The following CCDC171 variants were observed in gnomAD, a reference collection of about 807,000 sequenced individuals.
CCDC171 encodes coiled-coil domain-containing protein 171.
CCDC171 carries 177 observed loss-of-function variants against 168.2 expected under a neutral mutation model. The observed-to-expected ratio is 1.05, with a 90% CI of 0.93 to 1.19. The LOEUF is 1.19. CCDC171 is among the 50% of genes most tolerant of loss of function. The pLI, the probability that CCDC171 is intolerant of heterozygous loss-of-function variation, is 0.00. For synonymous variants in CCDC171, 687 were observed against 540.8 expected, an observed-to-expected ratio of 1.27 and a Z score of -3.75; for missense variants, 1,991 against 1,539.0, an observed-to-expected ratio of 1.29 and a Z score of -4.91.
At chr9:15,714,571 C>T (rs971410633) in intron 11 of CCDC171, among the ~76,000 whole-genome samples, 2 of 119,540 alleles carry the variant, frequency 1.7e-5, no homozygotes, top group African/African-American at 6.4e-5. Flanking sequence ...CCAGTTATCC[C>T]TGATAAGTGT....
intron 25 of CCDC171, among the ~76,000 whole-genome samples, chr9:15,961,045 A>C (rs777114862): frequency 2.0e-5 from 3 of 152,228 alleles, no homozygotes; most frequent in Non-Finnish European, 4.4e-5. Context: ...TTGCAAAATG[A>C]GAATTTAATG....
At chr9:15,902,582 C>G (rs777886498) in intron 24 of CCDC171, among the ~76,000 whole-genome samples, 82 of 136,404 alleles carry the variant, frequency 6.0e-4, no homozygotes, top group Non-Finnish European at 1.1e-3. Flanking sequence ...AGGAACAGCT[C>G]CAGTCTACAG....
At chr9:16,066,545 T>C (rs914856946), downstream of CCDC171, among the ~76,000 whole-genome samples, 4 of 151,148 alleles carry the variant, frequency 2.6e-5, no homozygotes, top group African/African-American at 9.7e-5. Context: ...TGTGCCATGC[T>C]GGTGCGCTGC....
the CCDC171 span, among the ~76,000 whole-genome samples, chr9:16,103,589 G>A: frequency 6.6e-6 from 1 of 152,334 alleles, no homozygotes; most frequent in Admixed American, 6.5e-5. Flanking sequence ...CTTGGTAGCC[G>A]AGGCCAGGCA....
At chr9:15,814,142 A>G (rs1170315212) in intron 21 of CCDC171, among the ~76,000 whole-genome samples, 2 of 152,220 alleles carry the variant, frequency 1.3e-5, no homozygotes, top group African/African-American at 4.8e-5. Flanking sequence ...TTGGAAAACA[A>G]AGCATCTGAA....
At chr9:15,724,061 T>TA (rs1295826839) in intron 13 of CCDC171, among the ~76,000 whole-genome samples, 4 of 152,212 alleles carry the variant, frequency 2.6e-5, no homozygotes, top group African/African-American at 9.6e-5. Context: ...ACTAAACATA[T>TA]TTTACATAAG....
intron 7 of CCDC171, among the ~76,000 whole-genome samples, chr9:15,645,223 C>A (rs1445756396): frequency 6.6e-6 from 1 of 152,122 alleles, no homozygotes; most frequent in Non-Finnish European, 1.5e-5. Flanking sequence ...ACATTCACAC[C>A]AAAACCCCAT....
At chr9:15,767,767 C>T (rs576518883) in intron 18 of CCDC171, among the ~76,000 whole-genome samples, 2 of 142,418 alleles carry the variant, frequency 1.4e-5, no homozygotes, top group African/African-American at 2.6e-5. Flanking sequence ...GTCCTTGGGC[C>T]TTTCTGTTCA....
At chr9:15,998,648 G>C (rs1178635041) in intron 3 of CCDC171, among the ~76,000 whole-genome samples, 3 of 152,188 alleles carry the variant, frequency 2.0e-5, no homozygotes, top group Admixed American at 2.0e-4. Context: ...TTCAGAAGCG[G>C]TAGTAACTAG....
chr9:15,883,094 T>G, intron 24 of CCDC171: 1 of 405,252 alleles, frequency 2.5e-6, no homozygotes, highest in Non-Finnish European at 4.9e-6. Context: ...AGTGGTGTGA[T>G]CATAGCTCAC....
chr9:16,012,626 A>G lies in CCDC171; in HGVS notation n.369-7963A>G, dbSNP rs529650078. 4.0e-5 allele frequency among the ~76,000 whole-genome samples: 6 copies of G among 151,146 alleles called. No individual in the cohort carries two copies. The South Asian group carries it at 1.0e-3, about 26-fold the overall frequency. ...GCTGGTTGTTTTTTTTTATAATGGC[A>G]GCATGCTCTCCTTCCATGAATACAA... On this transcript the variant is annotated intron_variant and non_coding_transcript_variant, in intron 3 of 9. Coordinates refer to the CCDC171 transcript ENST00000486641.
rs186805284 is a variant in CCDC171 at position 15,598,271 on chromosome 9, C to T, written c.675+4099C>T. On this transcript the variant is annotated intron_variant, in intron 6 of 25. Transcript: ENST00000380701. ...GTCAATTTTAGATCTTTCCTGCTTT[C>T]TCTTGTGGGCATTTAGTGCTGTAAA... Among the ~76,000 whole-genome samples, 813 of 152,058 alleles carry T rather than the reference C, an allele frequency of 5.3e-3. 7 individuals are homozygous for T. Among genetic ancestry groups the T allele is most frequent in the Non-Finnish European group, 7.9e-3 (539 of 67,980 alleles).
At chr9:15,905,631 A>G (rs958246818) in intron 24 of CCDC171, among the ~76,000 whole-genome samples, 1 of 152,190 alleles carries the variant, frequency 6.6e-6, no homozygotes, top group Non-Finnish European at 1.5e-5. Context: ...GCAAGAGCAA[A>G]CACATTCAAA....
intron 24 of CCDC171, among the ~76,000 whole-genome samples, chr9:15,901,753 G>A (rs7035363): frequency 6.6e-6 from 1 of 152,168 alleles, no homozygotes; most frequent in Non-Finnish European, 1.5e-5. Context: ...TCAAGGAAGA[G>A]TGGAAGGCTT....
At chr9:15,594,953 A>G (rs1448892965) in intron 6 of CCDC171, among the ~76,000 whole-genome samples, 1 of 152,092 alleles carries the variant, frequency 6.6e-6, no homozygotes, top group Middle Eastern at 3.2e-3. Context: ...ATTTTGTGAT[A>G]ACACAATGTG....
At chr9:15,987,952 G>T (rs1832048989) in intron 3 of CCDC171, among the ~76,000 whole-genome samples, 1 of 152,212 alleles carries the variant, frequency 6.6e-6, no homozygotes, top group South Asian at 2.1e-4. Context: ...AAAAAAGGGT[G>T]TCACTATCTC....
At chr9:15,708,961 C>T (rs374562148) in intron 11 of CCDC171, among the ~76,000 whole-genome samples, 117 of 151,852 alleles carry the variant, frequency 7.7e-4, no homozygotes, top group African/African-American at 2.7e-3. Context: ...GGGTTTTACT[C>T]TTTTTTTTCA....
intron 25 of CCDC171, among the ~76,000 whole-genome samples, chr9:15,941,682 A>C (rs1827755071): frequency 6.6e-6 from 1 of 151,978 alleles, no homozygotes; most frequent in Admixed American, 6.6e-5. Flanking sequence ...CAAGTGCTAC[A>C]ATATATAATT....
At chr9:15,921,190 GA>G (rs1046758396) in intron 25 of CCDC171, among the ~76,000 whole-genome samples, 12 of 151,578 alleles carry the variant, frequency 7.9e-5, no homozygotes, top group African/African-American at 2.9e-4. Flanking sequence ...TTCCGCTGTT[GA>G]CCCGCTTCAA....
Sources: gnomAD v4.1 joint callset for allele counts (sites outside exome capture counted in the v4.1 genomes callset) on GRCh38, gnomAD v4.1.1 for gene constraint, MANE v1.5 for transcripts, NCBI Gene and HGNC (gene_info 2026-07-23, HGNC 2026-07-21) for gene names.